Variants in LPAR1 observed in about 807,000 individuals in gnomAD.
LPAR1 encodes the protein lysophosphatidic acid receptor 1.
A neutral mutation model predicts 23.8 loss-of-function variants in LPAR1; 5 were observed. The ratio of observed to expected loss-of-function variants is 0.21; its 90% CI spans 0.11 to 0.44. The LOEUF (loss-of-function observed/expected upper bound fraction) is 0.44. LPAR1 is among the 20% of genes least tolerant of loss of function. The probability of loss-of-function intolerance (pLI) is 0.99; values close to 1 mark genes in which losing one functional copy is unlikely to be tolerated. For synonymous variants in LPAR1, 160 were observed against 164.7 expected (o/e 0.97, Z 0.22); for missense variants, 311 against 482.8 (o/e 0.64, Z 3.33).
intron 4 of LPAR1, 129 bp from the exon 5 acceptor site, chr9:110,942,297 T>C (rs181457269): frequency 1.4e-6 from 1 of 724,320 alleles, no homozygotes; most frequent in Admixed American, 3.0e-5. Context: ...GAACATTTGA[T>C]CCTGCATACC....
intron 2 of LPAR1, among the ~76,000 whole-genome samples, chr9:110,978,448 G>T (rs2096604152): frequency 6.6e-6 from 1 of 152,174 alleles, no homozygotes; most frequent in Non-Finnish European, 1.5e-5. Context: ...AACCATCAAT[G>T]CTGAAACCTG....
At chr9:110,944,219 G>A (rs1335711362) in intron 4 of LPAR1, among the ~76,000 whole-genome samples, 10 of 152,066 alleles carry the variant, frequency 6.6e-5, no homozygotes, top group Non-Finnish European at 1.5e-5. Context: ...CAAGGCTGCT[G>A]GTCCAGGGAA....
chr9:110,997,192 G>A (rs2097029866), intron 2 of LPAR1, among the ~76,000 whole-genome samples: 1 of 152,152 alleles, frequency 6.6e-6, no homozygotes, highest in Non-Finnish European at 1.5e-5. Flanking sequence ...AGTCAATCAA[G>A]AAGCCCATTT....
rs1220436301 is a variant in LPAR1, at chr9:110,886,436, AC to A, written c.794-10715del. ...TAACCAAAGGAAAAAAAAAAAAAAA[AC>A]AATGCTACTCCAAGGCCTACAAAGA... On this transcript the variant is annotated intron_variant, in intron 5 of 5. Transcript: ENST00000683809. Among the ~76,000 whole-genome samples, 36 of 151,184 alleles carry A rather than the reference AC, an allele frequency of 2.4e-4. No individual in the cohort carries two copies. In the South Asian group the frequency reaches 7.3e-3, roughly 31 times the overall value.
At chr9:110,987,440 C>T (rs1222765744) in intron 2 of LPAR1, among the ~76,000 whole-genome samples, 1 of 151,358 alleles carries the variant, frequency 6.6e-6, no homozygotes, top group Non-Finnish European at 1.5e-5. Context: ...ACACTCCCTA[C>T]TCCCTGGCCC....
chr9:110,934,210 G>A (rs1460508442), intron 5 of LPAR1, among the ~76,000 whole-genome samples: 1 of 152,186 alleles, frequency 6.6e-6, no homozygotes, highest in East Asian at 1.9e-4. Context: ...CCTGTGGCCA[G>A]GGAATAAGAG....
chr9:110,981,350 G>A (rs540268696), intron 2 of LPAR1, among the ~76,000 whole-genome samples: 1 of 152,118 alleles, frequency 6.6e-6, no homozygotes, highest in East Asian at 1.9e-4. Context: ...GTTATGTCAT[G>A]TCTCCTTGCC....
chr9:110,927,907 A>T (rs2094154004), intron 5 of LPAR1, among the ~76,000 whole-genome samples: 2 of 152,134 alleles, frequency 1.3e-5, no homozygotes, highest in Non-Finnish European at 2.9e-5. Context: ...TATATGTTGA[A>T]GGGATTAAAG....
At chr9:110,930,393 C>T (rs2094330222) in intron 5 of LPAR1, among the ~76,000 whole-genome samples, 1 of 151,790 alleles carries the variant, frequency 6.6e-6, no homozygotes, top group South Asian at 2.1e-4. Flanking sequence ...CCTGTAATCC[C>T]AGCTGCTCGG....
chr9:110,875,396 C>G lies in LPAR1; in HGVS notation c.*25G>C, dbSNP rs1564330560. On this transcript the variant is annotated 3_prime_UTR_variant, in exon 6 of 6. Transcript: ENST00000683809. Reference sequence around the variant, plus strand: ...CTGTTTATCCTCCAAGAGAGGACGGCTGGTTCCTCATCTCAGTTTCCGTTC... The same window carrying G: ...CTGTTTATCCTCCAAGAGAGGACGGGTGGTTCCTCATCTCAGTTTCCGTTC... 2 of 1,587,320 alleles carry G rather than the reference C, an allele frequency of 1.3e-6. No homozygotes were observed. The highest frequency in any genetic ancestry group is 8.6e-7 in the Non-Finnish European group (1 of 1,163,230).
intron 2 of LPAR1, among the ~76,000 whole-genome samples, chr9:111,013,070 GAAC>G (rs1457220446): frequency 2.6e-5 from 4 of 152,098 alleles, no homozygotes; most frequent in East Asian, 3.9e-4. Flanking sequence ...GCTGCAACAA[GAAC>G]AACAAAAAAT....
rs145661148 is a variant in LPAR1, at chr9:110,942,010, T to C, written c.204A>G (p.Leu68=). The C allele has an allele frequency of 6.8e-6, 11 of 1,613,962 alleles. No individual in the cohort carries two copies. The highest frequency in any genetic ancestry group is 5.3e-5 in the African/African-American group (4 of 74,878). Residue 68 remains leucine, a synonymous_variant, in exon 5 of 6, where the codon CTA becomes CTG. Transcript: ENST00000683809. ...TGACATAGATTGCCACCATGACCAA[T>C]AGGTTGGCCAACATGATGAAGATAC... The part of the protein sequence containing the change: ...TVCIFIMLAN[L]LVMVAIYVNR...
At chr9:110,977,810 G>A (rs2418125) in intron 2 of LPAR1, among the ~76,000 whole-genome samples, 66,931 of 98,964 alleles carry the variant, frequency 0.68, 20,718 homozygotes, top group Non-Finnish European at 0.72. Flanking sequence ...GAAGGAAGGA[G>A]GGAGGGAGGG....
At chr9:110,940,482 T>A (rs975981114) in intron 5 of LPAR1, among the ~76,000 whole-genome samples, 2 of 152,226 alleles carry the variant, frequency 1.3e-5, no homozygotes, top group Non-Finnish European at 2.9e-5. Flanking sequence ...AAATGTTTTT[T>A]TTCAATTTCC....
chr9:110,922,592 TATTAAGTTGAATTAACTA>T (rs2093703413), intron 5 of LPAR1, among the ~76,000 whole-genome samples: 1 of 152,116 alleles, frequency 6.6e-6, no homozygotes, highest in South Asian at 2.1e-4. Context: ...CCTATATACG[TATTAAGTTGAATTAACTA>T]ATTAAGTTGA....
At chr9:110,919,023 T>C (rs1354487710) in intron 5 of LPAR1, among the ~76,000 whole-genome samples, 1 of 152,164 alleles carries the variant, frequency 6.6e-6, no homozygotes, top group Non-Finnish European at 1.5e-5. Context: ...CTTCTAGCCA[T>C]AGAATACAGT....
intron 2 of LPAR1, among the ~76,000 whole-genome samples, chr9:110,993,827 T>C (rs2096943413): frequency 6.6e-6 from 1 of 152,136 alleles, no homozygotes; most frequent in Non-Finnish European, 1.5e-5. Flanking sequence ...AGCAGACAGT[T>C]AAGACAGCAC....
chr9:110,909,811 T>C (rs1454098775), intron 5 of LPAR1, among the ~76,000 whole-genome samples: 2 of 151,450 alleles, frequency 1.3e-5, no homozygotes, highest in Non-Finnish European at 2.9e-5. Flanking sequence ...AGTGGTGTGA[T>C]CTCGGCTCAC....
intron 4 of LPAR1, among the ~76,000 whole-genome samples, chr9:110,965,137 G>A (rs1403944062): frequency 1.3e-5 from 2 of 151,722 alleles, no homozygotes. Context: ...CAAAGTGCTG[G>A]GATTATAGGT....
Sources: allele counts gnomAD v4.1 joint callset (sites outside exome capture counted in the v4.1 genomes callset), GRCh38; gene constraint gnomAD v4.1.1; transcripts MANE v1.5; gene names NCBI Gene and HGNC (gene_info 2026-07-23, HGNC 2026-07-21).